The following UBAP1 variants were observed in gnomAD, a reference collection of about 807,000 sequenced individuals.
The protein encoded by UBAP1 is ubiquitin-associated protein 1.
UBAP1 carries 5 observed loss-of-function variants against 39.0 expected under a neutral mutation model. The observed-to-expected ratio is 0.13, with a 90% CI of 0.07 to 0.27. The LOEUF is 0.27. UBAP1 is among the 10% of genes least tolerant of loss of function. UBAP1 has a pLI of 1.00. For synonymous variants in UBAP1, 211 were observed against 225.1 expected, an observed-to-expected ratio of 0.94 and a Z score of 0.56; for missense variants, 490 against 608.1, an observed-to-expected ratio of 0.81 and a Z score of 2.04.
intron 4 of UBAP1, among the ~76,000 whole-genome samples, chr9:34,243,634 C>T (rs991642708): frequency 5.3e-5 from 8 of 151,938 alleles, no homozygotes; most frequent in Non-Finnish European, 8.8e-5. Flanking sequence ...GGATTACAGG[C>T]ATGTGCTATC....
chr9:34,194,552 G>GATCCTCCTGCCTCGGCCTCCCA (rs1423103460), intron 1 of UBAP1, among the ~76,000 whole-genome samples: 1 of 152,100 alleles, frequency 6.6e-6, no homozygotes, highest in African/African-American at 2.4e-5. Flanking sequence ...CCGACCTCGT[G>GATCCTCCTGCCTCGGCCTCCCA]ATCCTCCTGC....
intron 1 of UBAP1, among the ~76,000 whole-genome samples, chr9:34,186,640 T>C (rs1276564015): frequency 6.6e-6 from 1 of 152,182 alleles, no homozygotes; most frequent in East Asian, 1.9e-4. Flanking sequence ...TTCATGTATT[T>C]TCGTTGGTCA....
Position 34,249,877 on chromosome 9 carries a change from G to A in UBAP1, c.1182G>A (p.Gln394=), listed in dbSNP as rs1834380307. 6.2e-7 allele frequency: 1 copy of A among 1,614,218 alleles called. No individual in the cohort carries two copies. The highest frequency in any genetic ancestry group is 8.5e-7 in the Non-Finnish European group (1 of 1,180,042). ...AGATGCTGTCCCCCAGCGAGCGGCA[G>A]TGTGTGGAGACGGTGGTCAACATGG... ...ELQMLSPSER[Q]CVETVVNMGY... Residue 394 remains glutamine, a synonymous_variant, in exon 5 of 7, where the codon CAG becomes CAA. Coordinates refer to ENST00000297661, the MANE Select transcript of UBAP1 (RefSeq NM_016525.5).
intron 2 of UBAP1, chr9:34,224,090 C>T (rs557295116): frequency 5.6e-6 from 4 of 715,840 alleles, no homozygotes; most frequent in Middle Eastern, 3.3e-4. Flanking sequence ...TGAAGTGATG[C>T]ACGCAAGAAG....
intron 3 of UBAP1, among the ~76,000 whole-genome samples, chr9:34,237,546 T>G (rs981881900): frequency 6.6e-6 from 1 of 152,090 alleles, no homozygotes; most frequent in Non-Finnish European, 1.5e-5. Flanking sequence ...TACCATGAAA[T>G]TTACCTTTTT....
chr9:34,184,581 A>T (rs550497708), intron 1 of UBAP1, among the ~76,000 whole-genome samples: 71 of 146,066 alleles, frequency 4.9e-4, no homozygotes, highest in Non-Finnish European at 6.6e-4. Context: ...CAGTGAGCCA[A>T]GATCACGCCA....
intron 1 of UBAP1, among the ~76,000 whole-genome samples, chr9:34,218,835 G>A (rs930570896): frequency 6.6e-6 from 1 of 152,120 alleles, no homozygotes; most frequent in African/African-American, 2.4e-5. Flanking sequence ...ACTCAGGGAA[G>A]CTGAGGCATG....
At chr9:34,241,021 CAT>C (rs777293674) in intron 3 of UBAP1, among the ~76,000 whole-genome samples, 162 bp from the exon 4 acceptor site, 19 of 152,146 alleles carry the variant, frequency 1.2e-4, no homozygotes, top group Admixed American at 2.0e-4. Flanking sequence ...CTTACAAGGA[CAT>C]TGGAAGCCTT....
intron 1 of UBAP1, among the ~76,000 whole-genome samples, chr9:34,182,442 C>T (rs1321015942): frequency 6.6e-6 from 1 of 151,872 alleles, no homozygotes; most frequent in Non-Finnish European, 1.5e-5. Flanking sequence ...GCCTCGGCCT[C>T]CCAAAGTGCA....
chr9:34,232,175 A>G (rs1206377190), intron 2 of UBAP1, among the ~76,000 whole-genome samples: 1 of 152,038 alleles, frequency 6.6e-6, no homozygotes, highest in Non-Finnish European at 1.5e-5. Context: ...TTGTATTTTC[A>G]GTAGAGAGGG....
chr9:34,246,069 C>G (rs1362752525), intron 4 of UBAP1, among the ~76,000 whole-genome samples: 1 of 152,074 alleles, frequency 6.6e-6, no homozygotes, highest in Non-Finnish European at 1.5e-5. Context: ...AAGATGAATA[C>G]AGTTTTAATT....
At chr9:34,231,125 T>TTG (rs1175055797) in intron 2 of UBAP1, among the ~76,000 whole-genome samples, 89 of 96,784 alleles carry the variant, frequency 9.2e-4, no homozygotes, top group Non-Finnish European at 1.5e-3. Flanking sequence ...TTTAAAAAAA[T>TTG]TATGTGTGTG....
intron 4 of UBAP1, among the ~76,000 whole-genome samples, chr9:34,246,465 G>T: frequency 6.6e-6 from 1 of 152,188 alleles, no homozygotes; most frequent in East Asian, 1.9e-4. Flanking sequence ...AATTCTAATG[G>T]ACTTCAATTT....
At chr9:34,220,526 A>G (rs1483996259) in intron 1 of UBAP1, 4 of 166,176 alleles carry the variant, frequency 2.4e-5, no homozygotes, top group Non-Finnish European at 3.9e-5. Context: ...GGGTCTCCCT[A>G]TGTTGCCCAG....
intron 3 of UBAP1, among the ~76,000 whole-genome samples, chr9:34,237,295 C>T (rs911655481): frequency 1.5e-4 from 23 of 152,116 alleles, no homozygotes; most frequent in Admixed American, 1.0e-3. Flanking sequence ...GAGAAGTTAC[C>T]TAGAGCAACA....
intron 1 of UBAP1, among the ~76,000 whole-genome samples, chr9:34,207,482 TA>T (rs1268776996): frequency 1.3e-5 from 2 of 151,886 alleles, no homozygotes; most frequent in Non-Finnish European, 2.9e-5. Context: ...TTGATCTTAA[TA>T]ATGTTGAATA....
intron 1 of UBAP1, among the ~76,000 whole-genome samples, chr9:34,183,518 A>G (rs1587775492): frequency 6.7e-6 from 1 of 149,018 alleles, no homozygotes; most frequent in Non-Finnish European, 1.5e-5. Flanking sequence ...GTGCCACTAC[A>G]CTCCAGCCTG....
In UBAP1 at chr9:34,231,127, A is replaced by G. The variant is rs371968697; in HGVS notation, c.35-3089A>G. ...GGGCAAATGTCTCTTTAAAAAAATTATGTGTGTGTGTGTGTGTGTGTGTGT... is the reference window on the plus strand; with the variant it reads ...GGGCAAATGTCTCTTTAAAAAAATTGTGTGTGTGTGTGTGTGTGTGTGTGT... On this transcript the variant is annotated intron_variant, in intron 2 of 6. Transcript: ENST00000297661. Among the ~76,000 whole-genome samples, 248 of 137,110 alleles carry G rather than the reference A, an allele frequency of 1.8e-3. 1 individual carries two copies. Among genetic ancestry groups the G allele is most frequent in the Non-Finnish European group, 2.8e-3 (178 of 63,860 alleles). The allele number at this position is 137,110 out of a possible 152,430, so 89.9% of individuals were successfully genotyped here.
chr9:34,230,146 T>C (rs1833331757), intron 2 of UBAP1, among the ~76,000 whole-genome samples: 1 of 152,042 alleles, frequency 6.6e-6, no homozygotes, highest in East Asian at 1.9e-4. Flanking sequence ...TCACTGCAAC[T>C]TCTGCCTCCC....
Sources: allele counts gnomAD v4.1 joint callset (sites outside exome capture counted in the v4.1 genomes callset), GRCh38; gene constraint gnomAD v4.1.1; transcripts MANE v1.5; gene names NCBI Gene and HGNC (gene_info 2026-07-23, HGNC 2026-07-21).